Variants in MYO10 observed in about 807,000 individuals in gnomAD.
MYO10 encodes unconventional myosin-X.
MYO10 carries 133 observed loss-of-function variants against 257.3 expected under a neutral mutation model. That is an observed-to-expected ratio of 0.52 (90% CI 0.45 to 0.60). The LOEUF (loss-of-function observed/expected upper bound fraction) is 0.60. Among genes scored for constraint, MYO10 ranks in the 20% least tolerant of loss-of-function variants. MYO10 has a pLI of 0.00. For missense variants in MYO10, 2,399 were observed against 2,635.7 expected (o/e 0.91, Z 1.97); for synonymous variants, 1,104 against 1,028.6 (o/e 1.07, Z -1.40).
intron 14 of MYO10, 125 bp from the exon 15 acceptor site, chr5:16,762,762 C>G: frequency 1.6e-6 from 1 of 642,906 alleles, no homozygotes; most frequent in Non-Finnish European, 2.7e-6. Flanking sequence ...TCAGGAGTTC[C>G]AGACCAGCCT....
rs1322328098 is a variant in MYO10 at position 16,710,822 on chromosome 5, C to T, written c.2169+86G>A. 1.2e-5 allele frequency: 13 copies of T among 1,074,536 alleles called. No individual in the cohort carries two copies. The African/African-American group carries it at 1.3e-4, about 10-fold the overall frequency. 66.6% of individuals were successfully genotyped at this position (1,074,536 alleles called of 1,614,324 possible). On this transcript the variant is annotated intron_variant, in intron 21 of 40. Coordinates refer to ENST00000513610, the MANE Select transcript of MYO10 (RefSeq NM_012334.3). ...CCAATGTGAAAGAACAATTGTATAG[C>T]GGTGTCATAGAGCCCTAAACCCTGT... is the stretch of plus-strand genomic sequence containing the variant.
intron 3 of MYO10, among the ~76,000 whole-genome samples, chr5:16,817,554 G>C (rs2126704023): frequency 6.6e-6 from 1 of 152,270 alleles, no homozygotes; most frequent in South Asian, 2.1e-4. Flanking sequence ...TCCCTTGAAT[G>C]CAAGTTATCA....
chr5:16,856,940 C>T (rs1276631319), intron 2 of MYO10, among the ~76,000 whole-genome samples: 1 of 152,192 alleles, frequency 6.6e-6, no homozygotes, highest in African/African-American at 2.4e-5. Flanking sequence ...CCAACAGAAG[C>T]ATTTAAATAG....
intron 4 of MYO10, among the ~76,000 whole-genome samples, chr5:16,792,092 G>GT (rs1291274033): frequency 6.8e-6 from 1 of 147,906 alleles, no homozygotes; most frequent in Non-Finnish European, 1.5e-5. Context: ...CTCCCCTCCT[G>GT]TTAGACACAC....
At chr5:16,734,297 C>G (rs1299567239) in intron 19 of MYO10, among the ~76,000 whole-genome samples, 1 of 152,172 alleles carries the variant, frequency 6.6e-6, no homozygotes, top group African/African-American at 2.4e-5. Context: ...AAAAGAACAG[C>G]TTTCAGGGTT....
intron 1 of MYO10, among the ~76,000 whole-genome samples, chr5:16,888,395 A>T (rs548898572): frequency 1.3e-5 from 2 of 152,018 alleles, no homozygotes; most frequent in South Asian, 2.1e-4. Flanking sequence ...AAATTACTCA[A>T]GACCAGCCTG....
intron 19 of MYO10, among the ~76,000 whole-genome samples, chr5:16,729,733 C>T (rs1046400234): frequency 1.5e-4 from 23 of 152,254 alleles, no homozygotes; most frequent in African/African-American, 1.4e-4. Context: ...CGTGAGCCAC[C>T]GCACCCAGCC....
chr5:16,866,287 C>T (rs747031063), intron 2 of MYO10, among the ~76,000 whole-genome samples: 1 of 152,148 alleles, frequency 6.6e-6, no homozygotes, highest in Non-Finnish European at 1.5e-5. Context: ...TTTAGGGATA[C>T]GCTTTGCCTC....
At chr5:16,891,964 A>T (rs1745072997) in intron 1 of MYO10, among the ~76,000 whole-genome samples, 1 of 152,230 alleles carries the variant, frequency 6.6e-6, no homozygotes, top group Non-Finnish European at 1.5e-5. Context: ...ACACCAAAAC[A>T]AGTTATTTCA....
chr5:16,787,543 C>T (rs543785528), intron 4 of MYO10, among the ~76,000 whole-genome samples: 1 of 146,288 alleles, frequency 6.8e-6, no homozygotes, highest in African/African-American at 2.5e-5. Flanking sequence ...AACACAAACA[C>T]AGGCTTTGGC....
intron 3 of MYO10, among the ~76,000 whole-genome samples, chr5:16,810,100 G>A (rs1247227931): frequency 6.6e-6 from 1 of 152,164 alleles, no homozygotes; most frequent in Non-Finnish European, 1.5e-5. Flanking sequence ...TGCCTTCGGT[G>A]CAACAGAAAC....
intron 17 of MYO10, among the ~76,000 whole-genome samples, chr5:16,759,059 T>C (rs1250152334): frequency 6.6e-6 from 1 of 152,030 alleles, no homozygotes; most frequent in Non-Finnish European, 1.5e-5. Context: ...GTAGCTGGGA[T>C]TATAGGCGCC....
chr5:16,703,006 TGTC>T lies in MYO10; in HGVS notation c.2426_2428del (p.Arg809_Gln810delinsLys). On this transcript the variant is annotated inframe_deletion, in exon 23 of 41. Transcript: ENST00000513610. The stretch of plus-strand genomic sequence containing the variant: ...TTGCTCCCTTTTCTCTGCCAGCAAT[TGTC>T]TGTAAACTCTCCGAGCAATCTGACC... 6.4e-7 allele frequency: 1 copy of T among 1,552,450 alleles called. No individual in the cohort carries two copies. The highest frequency in any genetic ancestry group is 8.7e-7 in the Non-Finnish European group (1 of 1,147,192).
chr5:16,743,443 G>C (rs1345678285), intron 19 of MYO10, among the ~76,000 whole-genome samples: 1 of 152,240 alleles, frequency 6.6e-6, no homozygotes, highest in East Asian at 1.9e-4. Context: ...AGGAGCTTGA[G>C]ACCACCCTGG....
At chr5:16,816,636 T>C (rs1223330085) in intron 3 of MYO10, among the ~76,000 whole-genome samples, 1 of 151,472 alleles carries the variant, frequency 6.6e-6, no homozygotes, top group Non-Finnish European at 1.5e-5. Context: ...GTTCAAGCGA[T>C]TCTCCTGCCT....
intron 2 of MYO10, among the ~76,000 whole-genome samples, chr5:16,850,395 A>G (rs1743765933): frequency 6.6e-6 from 1 of 151,836 alleles, no homozygotes; most frequent in African/African-American, 2.4e-5. Context: ...CTTCTGCCTC[A>G]GCCTCCCGAG....
intron 29 of MYO10, 33 bp downstream of exon 29, chr5:16,685,704 CG>C: frequency 2.0e-5 from 17 of 838,602 alleles, no homozygotes; most frequent in East Asian, 4.1e-5. Flanking sequence ...TGCCCCTAGA[CG>C]CCCCACCCCC....
At chr5:16,685,654 A>G (rs1737217562) in intron 29 of MYO10, 84 bp downstream of exon 29, 1 of 1,059,158 alleles carries the variant, frequency 9.4e-7, no homozygotes, top group South Asian at 1.4e-5. Context: ...GAAATTCCCA[A>G]TCTTTCCCTT....
intron 3 of MYO10, among the ~76,000 whole-genome samples, chr5:16,808,271 T>A (rs6898592): frequency 2.6e-5 from 4 of 151,998 alleles, no homozygotes; most frequent in African/African-American, 9.7e-5. Context: ...GAGACCAACC[T>A]GAGCAACACG....
Sources: allele counts gnomAD v4.1 joint callset (sites outside exome capture counted in the v4.1 genomes callset), GRCh38; gene constraint gnomAD v4.1.1; transcripts MANE v1.5; gene names NCBI Gene and HGNC (gene_info 2026-07-23, HGNC 2026-07-21).